CLSTN2: variants seen among roughly 807,000 people sequenced by gnomAD.
CLSTN2 encodes the protein calsyntenin 2.
CLSTN2 carries 48 observed loss-of-function variants against 101.2 expected under a neutral mutation model. The ratio of observed to expected loss-of-function variants is 0.47; its 90% CI spans 0.38 to 0.60. CLSTN2 has a LOEUF of 0.60. Ranked by LOEUF, CLSTN2 falls within the 20% of genes least tolerant of loss-of-function variation. The pLI is 0.00. For synonymous variants in CLSTN2, 481 were observed against 463.6 expected (o/e 1.04, Z -0.48); for missense variants, 1,160 against 1,238.2 (o/e 0.94, Z 0.95).
intron 1 of CLSTN2, among the ~76,000 whole-genome samples, chr3:140,125,084 T>C (rs922877762): frequency 2.0e-5 from 3 of 152,098 alleles, no homozygotes. Flanking sequence ...AAGTGATTCA[T>C]GACATTGGGG....
At chr3:140,365,201 G>A (rs62268029) in intron 2 of CLSTN2, among the ~76,000 whole-genome samples, 11,383 of 152,140 alleles carry the variant, frequency 0.075, 508 homozygotes, top group Middle Eastern at 0.12. Flanking sequence ...AATATTTCAT[G>A]GAAGGAACTA....
At chr3:140,148,243 A>T (rs557677495) in intron 1 of CLSTN2, among the ~76,000 whole-genome samples, 2 of 152,016 alleles carry the variant, frequency 1.3e-5, no homozygotes, top group Non-Finnish European at 2.9e-5. Context: ...GAAGGTAAAA[A>T]CATTGAGTGC....
chr3:140,518,989 AC>A (rs909166547), intron 8 of CLSTN2, among the ~76,000 whole-genome samples: 4 of 150,216 alleles, frequency 2.7e-5, no homozygotes, highest in African/African-American at 1.0e-4. Context: ...CACTCTTAAC[AC>A]TGCTTTAGCT....
chr3:140,487,354 CCCT>C (rs1934259158), intron 8 of CLSTN2, among the ~76,000 whole-genome samples: 1 of 152,164 alleles, frequency 6.6e-6, no homozygotes, highest in African/African-American at 2.4e-5. Context: ...AGCCATTTTT[CCCT>C]CAAGAGGTAA....
chr3:140,173,320 A>G (rs2107827341), intron 1 of CLSTN2, among the ~76,000 whole-genome samples: 1 of 152,312 alleles, frequency 6.6e-6, no homozygotes, highest in African/African-American at 2.4e-5. Context: ...TATCCAGGTC[A>G]CCCTGATGCA....
At chr3:140,514,102 C>T (rs928474132) in intron 8 of CLSTN2, among the ~76,000 whole-genome samples, 1 of 151,946 alleles carries the variant, frequency 6.6e-6, no homozygotes, top group African/African-American at 2.4e-5. Context: ...CAGTTTCACT[C>T]TGATCTTGGT....
intron 2 of CLSTN2, among the ~76,000 whole-genome samples, chr3:140,205,880 C>A (rs2010775902): frequency 6.6e-6 from 1 of 152,096 alleles, no homozygotes; most frequent in Non-Finnish European, 1.5e-5. Context: ...TCCCTGGCTG[C>A]TACACAGGGT....
At chr3:140,499,278 C>T (rs933318566) in intron 8 of CLSTN2, among the ~76,000 whole-genome samples, 14 of 152,196 alleles carry the variant, frequency 9.2e-5, no homozygotes, top group Non-Finnish European at 1.8e-4. Flanking sequence ...CCCTTGGTCT[C>T]AAGGTTTGCC....
intron 8 of CLSTN2, among the ~76,000 whole-genome samples, chr3:140,526,157 T>C (rs1935133168): frequency 1.3e-5 from 2 of 152,168 alleles, no homozygotes; most frequent in South Asian, 4.1e-4. Context: ...TCAAATGATA[T>C]GATTCCTTAC....
intron 1 of CLSTN2, among the ~76,000 whole-genome samples, chr3:139,943,706 G>A (rs947326938): frequency 3.3e-5 from 5 of 152,146 alleles, no homozygotes; most frequent in East Asian, 1.9e-4. Flanking sequence ...ACAGGCTACC[G>A]GTTCCCATCC....
At chr3:139,938,046 A>G (rs1203685685) in intron 1 of CLSTN2, among the ~76,000 whole-genome samples, 1 of 150,442 alleles carries the variant, frequency 6.6e-6, no homozygotes, top group Non-Finnish European at 1.5e-5. Flanking sequence ...TCTCTGAAGA[A>G]TGTTTGAAAT....
At chr3:140,056,614 A>G (rs1204863941) in intron 1 of CLSTN2, among the ~76,000 whole-genome samples, 2 of 152,154 alleles carry the variant, frequency 1.3e-5, no homozygotes, top group African/African-American at 4.8e-5. Flanking sequence ...AGGAACTGAG[A>G]AAGAGTAGAG....
intron 5 of CLSTN2, among the ~76,000 whole-genome samples, chr3:140,428,661 G>T (rs1298144857): frequency 1.3e-5 from 2 of 152,194 alleles, no homozygotes; most frequent in Non-Finnish European, 2.9e-5. Context: ...AGTTGGAAGA[G>T]TTTCTCCCAC....
intron 11 of CLSTN2, chr3:140,557,015 C>T (rs1281970739): frequency 1.1e-5 from 2 of 186,184 alleles, no homozygotes; most frequent in Admixed American, 1.1e-4. Flanking sequence ...ACAGGAAGTC[C>T]TTGACAAATG....
intron 1 of CLSTN2, among the ~76,000 whole-genome samples, chr3:140,157,122 T>C (rs2009966995): frequency 6.6e-6 from 1 of 152,206 alleles, no homozygotes; most frequent in Non-Finnish European, 1.5e-5. Context: ...CTATTCAATC[T>C]TTATTTTTTT....
At chr3:140,376,640 A>G (rs1339179113) in intron 2 of CLSTN2, among the ~76,000 whole-genome samples, 1 of 152,228 alleles carries the variant, frequency 6.6e-6, no homozygotes, top group Non-Finnish European at 1.5e-5. Flanking sequence ...AACATGTTGC[A>G]TAGGGTTCCT....
chr3:140,183,822 G>C (rs781599635), intron 2 of CLSTN2, among the ~76,000 whole-genome samples: 17 of 152,092 alleles, frequency 1.1e-4, no homozygotes, highest in Non-Finnish European at 2.1e-4. Context: ...CTCTGAAATA[G>C]GCATTATTAT....
At chr3:139,943,429 T>C (rs1443967083) in intron 1 of CLSTN2, among the ~76,000 whole-genome samples, 2 of 152,298 alleles carry the variant, frequency 1.3e-5, no homozygotes, top group East Asian at 3.9e-4. Context: ...ATCTCAGTCA[T>C]GAATTCTATC....
chr3:140,126,302 A>G (rs2009428847), intron 1 of CLSTN2, among the ~76,000 whole-genome samples: 1 of 152,114 alleles, frequency 6.6e-6, no homozygotes, highest in Non-Finnish European at 1.5e-5. Context: ...GGCAGATGGC[A>G]GCAGTGTGAT....
Sources: allele counts gnomAD v4.1 joint callset (sites outside exome capture counted in the v4.1 genomes callset), GRCh38; gene constraint gnomAD v4.1.1; transcripts MANE v1.5; gene names NCBI Gene and HGNC (gene_info 2026-07-23, HGNC 2026-07-21).